Variants in WWOX observed in about 807,000 individuals in gnomAD.
The protein encoded by WWOX is WW domain containing oxidoreductase, also known as WW domain-containing oxidoreductase.
A neutral mutation model predicts 46.2 loss-of-function variants in WWOX; 69 were observed. The observed-to-expected ratio is 1.49, with a 90% confidence interval of 1.23 to 1.82. The LOEUF is 1.82. Among genes scored for constraint, WWOX ranks in the 40% most tolerant of loss-of-function variants. The probability of loss-of-function intolerance (pLI) is 0.00; values close to 1 mark genes in which losing one functional copy is unlikely to be tolerated. For missense variants in WWOX, 919 were observed against 542.6 expected (o/e 1.69, Z -6.89); for synonymous variants, 359 against 202.6 (o/e 1.77, Z -6.56).
intron 8 of WWOX, among the ~76,000 whole-genome samples, chr16:78,595,509 T>C (rs536953902): frequency 1.5e-4 from 23 of 152,346 alleles, no homozygotes; most frequent in African/African-American, 5.5e-4. Flanking sequence ...CGTGGCTATG[T>C]ACAAGACCAC....
intron 8 of WWOX, among the ~76,000 whole-genome samples, chr16:78,749,935 A>C (rs1180979465): frequency 6.6e-6 from 1 of 152,174 alleles, no homozygotes; most frequent in East Asian, 1.9e-4. Flanking sequence ...TAGACTTTTA[A>C]AAGTCTTGCA....
At chr16:78,321,336 GCGTATATATATACGTATATA>G (rs2080469798) in intron 5 of WWOX, among the ~76,000 whole-genome samples, 1 of 50,734 alleles carries the variant, frequency 2.0e-5, no homozygotes, top group African/African-American at 7.1e-5. Context: ...ACGTATATAT[GCGTATATATATACGTATATA>G]TGCGTATATA....
chr16:79,161,678 C>G (rs1235857668), intron 8 of WWOX, among the ~76,000 whole-genome samples: 1 of 152,056 alleles, frequency 6.6e-6, no homozygotes, highest in Non-Finnish European at 1.5e-5. Flanking sequence ...ACCACCATGC[C>G]CGGCTAGTTT....
At chr16:78,801,505 T>C (rs2050888623) in intron 8 of WWOX, among the ~76,000 whole-genome samples, 1 of 152,170 alleles carries the variant, frequency 6.6e-6, no homozygotes, top group Non-Finnish European at 1.5e-5. Context: ...CTAGACCCTA[T>C]CTCAAAAATA....
At chr16:78,148,969 C>G (rs994763197) in intron 4 of WWOX, among the ~76,000 whole-genome samples, 1 of 138,342 alleles carries the variant, frequency 7.2e-6, no homozygotes, top group Non-Finnish European at 1.5e-5. Context: ...TGCGGTGTTA[C>G]TTTCTTTTTA....
At chr16:78,929,708 G>C in intron 8 of WWOX, among the ~76,000 whole-genome samples, 1 of 152,184 alleles carries the variant, frequency 6.6e-6, no homozygotes, top group East Asian at 1.9e-4. Context: ...ATTTCAGGAA[G>C]AGCGTTTAGG....
intron 8 of WWOX, among the ~76,000 whole-genome samples, chr16:78,447,244 A>C (rs1455099188): frequency 6.6e-6 from 1 of 152,212 alleles, no homozygotes; most frequent in Admixed American, 6.5e-5. Flanking sequence ...CTAGATCTGT[A>C]ACTCTGTACA....
Position 78,324,355 on chromosome 16 carries a change from T to C in WWOX, c.517-62505T>C, listed in dbSNP as rs541975084. On this transcript the variant is annotated intron_variant, in intron 5 of 8. Transcript: ENST00000566780. The stretch of plus-strand genomic sequence containing the variant: ...ACACACCATTGGTGGGGATGTAAAA[T>C]GGTACAGCTAACTTGGAAAACAGTC... Among the ~76,000 whole-genome samples, 4 of 152,168 alleles carry C rather than the reference T, an allele frequency of 2.6e-5. No individual in the cohort carries two copies. The East Asian group carries it at 7.8e-4, about 30-fold the overall frequency.
chr16:78,539,924 T>C (rs1277834664), intron 8 of WWOX, among the ~76,000 whole-genome samples: 1 of 151,898 alleles, frequency 6.6e-6, no homozygotes, highest in East Asian at 1.9e-4. Flanking sequence ...AAAACCACAC[T>C]TACATTTAAA....
At chr16:78,897,480 A>C (rs1392877021) in intron 8 of WWOX, 10 of 152,068 alleles carry the variant, frequency 6.6e-5, no homozygotes, top group Non-Finnish European at 1.3e-4. Context: ...TTTGTGATTC[A>C]TCCATGTTGA....
chr16:79,189,605 A>T (rs1292661824), intron 8 of WWOX, among the ~76,000 whole-genome samples: 1 of 152,052 alleles, frequency 6.6e-6, no homozygotes, highest in Non-Finnish European at 1.5e-5. Context: ...CCAGCCTAGG[A>T]AAGCATATTT....
At chr16:78,699,959 T>G (rs2048177446) in intron 8 of WWOX, among the ~76,000 whole-genome samples, 1 of 152,114 alleles carries the variant, frequency 6.6e-6, no homozygotes, top group Non-Finnish European at 1.5e-5. Context: ...ACAAGGTAAC[T>G]GGGGCACTCT....
chr16:78,866,501 A>C (rs1307843691), intron 8 of WWOX, among the ~76,000 whole-genome samples: 1 of 152,132 alleles, frequency 6.6e-6, no homozygotes, highest in African/African-American at 2.4e-5. Flanking sequence ...TCAGGTTAGT[A>C]AAACGAAGAA....
chr16:78,482,878 C>G (rs1431006013), intron 8 of WWOX, among the ~76,000 whole-genome samples: 1 of 152,128 alleles, frequency 6.6e-6, no homozygotes. Flanking sequence ...ACATAAAATA[C>G]ACATGGTACA....
At chr16:78,222,760 T>C (rs146509167) in intron 5 of WWOX, among the ~76,000 whole-genome samples, 16 of 152,390 alleles carry the variant, frequency 1.0e-4, no homozygotes, top group African/African-American at 3.6e-4. Context: ...TAATTGGCCA[T>C]GTCAGTTCAT....
chr16:78,931,798 C>T (rs561945135), intron 8 of WWOX, among the ~76,000 whole-genome samples: 1 of 152,174 alleles, frequency 6.6e-6, no homozygotes, highest in South Asian at 2.1e-4. Context: ...GCTGTGTCTC[C>T]ACCCAAGTCT....
chr16:78,772,568 G>C (rs1380528845), intron 8 of WWOX, among the ~76,000 whole-genome samples: 2 of 152,084 alleles, frequency 1.3e-5, no homozygotes, highest in East Asian at 1.9e-4. Flanking sequence ...CCCTTTTGTA[G>C]GTAACAAATA....
chr16:78,980,764 A>G (rs993639414), intron 8 of WWOX, among the ~76,000 whole-genome samples: 5 of 152,156 alleles, frequency 3.3e-5, no homozygotes, highest in African/African-American at 7.2e-5. Flanking sequence ...TACTTTTTGA[A>G]TAAGTATTTT....
intron 8 of WWOX, among the ~76,000 whole-genome samples, chr16:78,700,904 A>T (rs1023835673): frequency 6.6e-6 from 1 of 152,190 alleles, no homozygotes; most frequent in African/African-American, 2.4e-5. Flanking sequence ...CTATGGTGAA[A>T]ATCATCTCAA....
Sources: allele counts gnomAD v4.1 joint callset (sites outside exome capture counted in the v4.1 genomes callset), GRCh38; gene constraint gnomAD v4.1.1; transcripts MANE v1.5; gene names NCBI Gene and HGNC (gene_info 2026-07-23, HGNC 2026-07-21).